The following MMP26 variants were observed in gnomAD, a reference collection of about 807,000 sequenced individuals.
The protein encoded by MMP26 is matrix metallopeptidase 26.
In MMP26, 33 loss-of-function variants were observed where a neutral mutation model predicts 31.0. The observed-to-expected ratio is 1.06, with a 90% CI of 0.81 to 1.42. The LOEUF (loss-of-function observed/expected upper bound fraction) is 1.42, where lower values mean the gene tolerates loss of function less well. Among genes scored for constraint, MMP26 ranks in the 40% most tolerant of loss-of-function variants. The pLI is 0.00. For missense variants in MMP26, 347 were observed against 316.1 expected (o/e 1.10, Z -0.74); for synonymous variants, 122 against 114.9 (o/e 1.06, Z -0.40).
intron 2 of MMP26, among the ~76,000 whole-genome samples, chr11:4,964,768 C>T (rs914046733): frequency 2.2e-4 from 33 of 152,110 alleles, no homozygotes; most frequent in Middle Eastern, 3.4e-3. Context: ...TCCTTCGCAG[C>T]GACAAGGATG....
intron 2 of MMP26, among the ~76,000 whole-genome samples, chr11:4,893,893 G>T (rs1405206525): frequency 1.3e-5 from 2 of 151,578 alleles, no homozygotes; most frequent in African/African-American, 4.9e-5. Flanking sequence ...TGAGTCCAGG[G>T]ATTTGAGACT....
intron 2 of MMP26, among the ~76,000 whole-genome samples, chr11:4,961,649 AAATGTACT>A (rs1300009900): frequency 6.6e-6 from 1 of 152,230 alleles, no homozygotes; most frequent in Admixed American, 6.5e-5. Flanking sequence ...AGACAGGCAA[AAATGTACT>A]AATGTACTAA....
chr11:4,963,941 G>T (rs1024548238), intron 2 of MMP26, among the ~76,000 whole-genome samples: 2 of 151,940 alleles, frequency 1.3e-5, no homozygotes, highest in Non-Finnish European at 2.9e-5. Context: ...CATGTCCTTT[G>T]ACCACTTTTT....
At chr11:4,987,852 A>C (rs1846928774) in intron 2 of MMP26, among the ~76,000 whole-genome samples, 2 of 152,118 alleles carry the variant, frequency 1.3e-5, no homozygotes, top group Non-Finnish European at 2.9e-5. Flanking sequence ...ATTATTCTAT[A>C]GATAAAGCTG....
intron 2 of MMP26, among the ~76,000 whole-genome samples, chr11:4,983,681 T>A (rs1042880701): frequency 2.6e-5 from 4 of 152,190 alleles, no homozygotes; most frequent in Admixed American, 1.3e-4. Context: ...GTTCTGATTT[T>A]AAAAATAATA....
At chr11:4,929,657 G>A (rs1245835052) in intron 2 of MMP26, among the ~76,000 whole-genome samples, 1 of 152,096 alleles carries the variant, frequency 6.6e-6, no homozygotes, top group African/African-American at 2.4e-5. Flanking sequence ...AGAAGGGATA[G>A]CTGTTGTGAG....
chr11:4,738,476 A>G lies in MMP26; in HGVS notation c.-216-28794A>G, dbSNP rs553527344. Reference sequence around the variant, plus strand: ...TTCTATCAGCTTAAGGGGTGTTTTCATCTGATGTTTAAATTTGTCCATCTA... The same window carrying G: ...TTCTATCAGCTTAAGGGGTGTTTTCGTCTGATGTTTAAATTTGTCCATCTA... On this transcript the variant is annotated intron_variant, in intron 1 of 7. Transcript: ENST00000380390. Among the ~76,000 whole-genome samples the G allele has an allele frequency of 1.8e-3, 281 of 152,324 alleles. 1 individual carries two copies. The highest frequency in any genetic ancestry group is 3.4e-3 in the Middle Eastern group (1 of 294).
At chr11:4,910,718 T>A (rs1850977918) in intron 2 of MMP26, among the ~76,000 whole-genome samples, 1 of 152,192 alleles carries the variant, frequency 6.6e-6, no homozygotes, top group Non-Finnish European at 1.5e-5. Context: ...AGGATACATA[T>A]GTCTGCACAT....
At chr11:4,963,898 T>C (rs1195194014) in intron 2 of MMP26, among the ~76,000 whole-genome samples, 1 of 152,168 alleles carries the variant, frequency 6.6e-6, no homozygotes, top group Non-Finnish European at 1.5e-5. Flanking sequence ...GTTTGTTGGC[T>C]GCTTGTATGT....
At chr11:4,799,453 C>T (rs921286453) in intron 2 of MMP26, among the ~76,000 whole-genome samples, 2 of 152,130 alleles carry the variant, frequency 1.3e-5, no homozygotes, top group Non-Finnish European at 2.9e-5. Flanking sequence ...GGAGATAGTG[C>T]TAAGCCATTC....
At chr11:4,774,622 C>T (rs1458307931) in intron 2 of MMP26, among the ~76,000 whole-genome samples, 1 of 152,102 alleles carries the variant, frequency 6.6e-6, no homozygotes. Flanking sequence ...TGCAGAAGCT[C>T]TTTAGTTTAA....
At chr11:4,835,805 A>C (rs1036971975) in intron 2 of MMP26, among the ~76,000 whole-genome samples, 4 of 152,202 alleles carry the variant, frequency 2.6e-5, no homozygotes, top group African/African-American at 9.6e-5. Context: ...ACTTCCAGCT[A>C]TAAAGCTCTT....
chr11:4,915,023 A>G (rs765342542), intron 2 of MMP26: 3 of 1,614,024 alleles, frequency 1.9e-6, no homozygotes, highest in Non-Finnish European at 2.5e-6. Flanking sequence ...CAGTGAGTCT[A>G]TACCCACTGT....
Position 4,992,287 on chromosome 11 carries a change from A to G in MMP26, c.*45A>G. 1 of 1,578,826 alleles carries G rather than the reference A, an allele frequency of 6.3e-7. No individual in the cohort carries two copies. Among genetic ancestry groups the G allele is most frequent in the Non-Finnish European group, 8.6e-7 (1 of 1,157,506 alleles). Reference sequence around the variant, plus strand: ...TTCAACCTGTCCTTTCAGGGAGTTTATTGGAGGATCAAAGAACTGAAAGCA... The same window carrying G: ...TTCAACCTGTCCTTTCAGGGAGTTTGTTGGAGGATCAAAGAACTGAAAGCA... On this transcript the variant is annotated 3_prime_UTR_variant, in exon 8 of 8. Coordinates refer to ENST00000380390, the MANE Select transcript of MMP26 (RefSeq NM_021801.5).
intron 2 of MMP26, among the ~76,000 whole-genome samples, chr11:4,789,362 G>A (rs183207463): frequency 3.6e-4 from 55 of 151,832 alleles, no homozygotes; most frequent in African/African-American, 1.3e-3. Context: ...AGTGATTTTG[G>A]GGTCTCTGTT....
intron 2 of MMP26, chr11:4,822,342 G>T: frequency 6.7e-7 from 1 of 1,493,236 alleles, no homozygotes; most frequent in Non-Finnish European, 8.9e-7. Context: ...CCATTATCAA[G>T]GTCTTAATTC....
chr11:4,908,219 C>A, intron 2 of MMP26: 1 of 1,614,124 alleles, frequency 6.2e-7, no homozygotes, highest in Non-Finnish European at 8.5e-7. Context: ...GTTGGTGCCG[C>A]CCCTTATGAA....
chr11:4,872,948 A>G (rs377039711), intron 2 of MMP26, among the ~76,000 whole-genome samples: 12 of 152,188 alleles, frequency 7.9e-5, no homozygotes, highest in African/African-American at 2.9e-4. Context: ...GCATGCCTTC[A>G]TTCAACTCCA....
chr11:4,857,979 T>A (rs192481139), intron 2 of MMP26, among the ~76,000 whole-genome samples: 103 of 152,284 alleles, frequency 6.8e-4, no homozygotes, highest in African/African-American at 2.5e-3. Context: ...AAAAACCACA[T>A]GATTATCTCA....
Sources: gnomAD v4.1 joint callset for allele counts (sites outside exome capture counted in the v4.1 genomes callset) on GRCh38, gnomAD v4.1.1 for gene constraint, MANE v1.5 for transcripts, NCBI Gene and HGNC (gene_info 2026-07-23, HGNC 2026-07-21) for gene names.